Variants in ZNF644 observed in about 807,000 individuals in gnomAD.
The protein encoded by ZNF644 is zinc finger motif enhancer binding protein 2.
A neutral mutation model predicts 108.0 loss-of-function variants in ZNF644; 20 were observed. That is an observed-to-expected ratio of 0.19 (90% CI 0.13 to 0.27). The LOEUF is 0.27. Ranked by LOEUF, ZNF644 falls within the 10% of genes least tolerant of loss-of-function variation. The pLI is 1.00. For synonymous variants in ZNF644, 542 were observed against 539.1 expected, an observed-to-expected ratio of 1.01 and a Z score of -0.08; for missense variants, 1,338 against 1,548.9, an observed-to-expected ratio of 0.86 and a Z score of 2.29.
In ZNF644 at chr1:90,939,152, T is replaced by G. The variant is rs1651672638; in HGVS notation, c.2202A>C (p.Ala734=). ...TGTGTCTATACAAATAGTGGCTATTTGCCTTGGCATTAGACTTTTCTTTTG... is the reference window on the plus strand; with the variant it reads ...TGTGTCTATACAAATAGTGGCTATTGGCCTTGGCATTAGACTTTTCTTTTG... ...QAAKEKSNAK[A]NSHYLYRHKY... The change falls in exon 3 of 6, where the codon GCA becomes GCC. Residue 734 remains alanine (A), a synonymous_variant. Coordinates refer to ENST00000337393, the MANE Select transcript of ZNF644 (RefSeq NM_201269.3). The G allele has an allele frequency of 1.2e-6, 2 of 1,613,852 alleles. No individual in the cohort carries two copies. The highest frequency in any genetic ancestry group is 1.7e-6 in the Non-Finnish European group (2 of 1,179,930).
At chr1:90,996,623 T>C (rs752335854) in intron 1 of ZNF644, among the ~76,000 whole-genome samples, 20 of 152,104 alleles carry the variant, frequency 1.3e-4, no homozygotes, top group Non-Finnish European at 2.4e-4. Context: ...CGTCTCTAAA[T>C]AATGTTTAAA....
intron 1 of ZNF644, among the ~76,000 whole-genome samples, chr1:90,991,098 A>G (rs542507677): frequency 1.3e-5 from 2 of 152,304 alleles, no homozygotes; most frequent in Non-Finnish European, 2.9e-5. Context: ...TTCAATAATA[A>G]AACAACCCAA....
chr1:91,020,539 G>C (rs1427340173), intron 1 of ZNF644: 3 of 152,196 alleles, frequency 2.0e-5, no homozygotes, highest in Non-Finnish European at 4.4e-5. Flanking sequence ...CAATTAAAAT[G>C]TCTAAGCTAG....
chr1:90,918,349 G>A (rs1649043696), intron 4 of ZNF644, 195 bp from the exon 5 acceptor site: 3 of 596,584 alleles, frequency 5.0e-6, no homozygotes, highest in Non-Finnish European at 9.1e-6. Flanking sequence ...CTGTACAGCG[G>A]TATTATCTGT....
chr1:90,943,210 G>A (rs1466852333), intron 2 of ZNF644, among the ~76,000 whole-genome samples: 2 of 152,094 alleles, frequency 1.3e-5, no homozygotes. Flanking sequence ...GGGAGGCCGA[G>A]GCGGGTGGAT....
chr1:90,955,544 G>A lies in ZNF644; in HGVS notation c.45-14235C>T, dbSNP rs191767693. On this transcript the variant is annotated intron_variant, in intron 2 of 5. Transcript: ENST00000337393. ...TGCTGCAGCTTCTACATCAGCACTT[G>A]CTGCATCACTTTGAGCTTTTATGTT... is the stretch of plus-strand genomic sequence containing the variant. Among the ~76,000 whole-genome samples, 5 of 152,326 alleles carry A rather than the reference G, an allele frequency of 3.3e-5. No homozygotes were observed. In the East Asian group the frequency reaches 9.7e-4, roughly 29 times the overall value.
intron 2 of ZNF644, among the ~76,000 whole-genome samples, chr1:90,956,324 C>T (rs1653752128): frequency 6.6e-6 from 1 of 152,200 alleles, no homozygotes; most frequent in Admixed American, 6.5e-5. Context: ...TACCTGTATA[C>T]TTGCTTGATG....
chr1:90,927,332 T>TGCTTGTTGAATTAGTGAAAAAATC (rs2100834996), intron 4 of ZNF644, among the ~76,000 whole-genome samples: 2 of 152,302 alleles, frequency 1.3e-5, no homozygotes, highest in Middle Eastern at 3.4e-3. Context: ...GTGAAAAAAG[T>TGCTTGTTGAATTAGTGAAAAAATC]GCTTGTTGAA....
At chr1:90,991,676 G>T (rs1199964802) in intron 1 of ZNF644, among the ~76,000 whole-genome samples, 2 of 152,118 alleles carry the variant, frequency 1.3e-5, no homozygotes, top group South Asian at 2.1e-4. Context: ...AAGAGTGAAG[G>T]GGGGGAAGTG....
intron 1 of ZNF644, among the ~76,000 whole-genome samples, chr1:91,013,897 TA>T (rs1407740859): frequency 1.3e-5 from 2 of 152,226 alleles, no homozygotes. Flanking sequence ...CTGGGTTAAA[TA>T]AAAATCCATT....
At chr1:90,970,551 A>T (rs1026202712) in intron 2 of ZNF644, among the ~76,000 whole-genome samples, 1 of 152,126 alleles carries the variant, frequency 6.6e-6, no homozygotes, top group African/African-American at 2.4e-5. Flanking sequence ...TAAAACTACT[A>T]ATGTTCAGTC....
chr1:90,975,070 T>C (rs1343538689), intron 2 of ZNF644, among the ~76,000 whole-genome samples: 2 of 152,210 alleles, frequency 1.3e-5, no homozygotes, highest in African/African-American at 4.8e-5. Flanking sequence ...TTCCTCCAAG[T>C]TTCAGTTTAA....
chr1:90,953,028 A>C (rs1653351896), intron 2 of ZNF644, among the ~76,000 whole-genome samples: 2 of 151,770 alleles, frequency 1.3e-5, no homozygotes, highest in African/African-American at 2.4e-5. Context: ...AAAAAAAAAA[A>C]AAGCAGCTCC....
At chr1:91,011,110 T>C (rs566620730) in intron 1 of ZNF644, among the ~76,000 whole-genome samples, 1 of 152,322 alleles carries the variant, frequency 6.6e-6, no homozygotes, top group East Asian at 1.9e-4. Context: ...AATAATCATA[T>C]ACTTTTTTCA....
At chr1:90,965,018 C>T (rs1265267315) in intron 2 of ZNF644, among the ~76,000 whole-genome samples, 1 of 152,048 alleles carries the variant, frequency 6.6e-6, no homozygotes, top group Non-Finnish European at 1.5e-5. Context: ...AGACCTGGAA[C>T]GTTTCATAAC....
intron 1 of ZNF644, among the ~76,000 whole-genome samples, chr1:91,010,373 G>A (rs1659846512): frequency 6.6e-6 from 1 of 150,784 alleles, no homozygotes; most frequent in African/African-American, 2.4e-5. Context: ...CGAATAGCTG[G>A]GATTGCAGGC....
intron 2 of ZNF644, among the ~76,000 whole-genome samples, chr1:90,946,277 T>C (rs1028610632): frequency 3.9e-5 from 6 of 152,054 alleles, no homozygotes; most frequent in Non-Finnish European, 8.8e-5. Flanking sequence ...ATTCTGGATG[T>C]CACATTGAGA....
intron 1 of ZNF644, among the ~76,000 whole-genome samples, chr1:91,003,648 T>C (rs1477818052): frequency 6.7e-6 from 1 of 148,214 alleles, no homozygotes; most frequent in Admixed American, 6.6e-5. Context: ...AACCTGCACA[T>C]TGTGCACATG....
intron 4 of ZNF644, among the ~76,000 whole-genome samples, chr1:90,931,284 T>C (rs952575269): frequency 7.3e-5 from 11 of 151,426 alleles, no homozygotes; most frequent in Admixed American, 5.9e-4. Context: ...TAATGAAAAC[T>C]ATATAATGTT....
Sources: allele counts gnomAD v4.1 joint callset (sites outside exome capture counted in the v4.1 genomes callset), GRCh38; gene constraint gnomAD v4.1.1; transcripts MANE v1.5; gene names NCBI Gene and HGNC (gene_info 2026-07-23, HGNC 2026-07-21).